Variants in ATXN3 observed in about 807,000 individuals in gnomAD.
ATXN3 encodes ataxin 3.
A neutral mutation model predicts 58.2 loss-of-function variants in ATXN3; 28 were observed. The observed-to-expected ratio is 0.48, with a 90% CI of 0.36 to 0.66. The LOEUF (loss-of-function observed/expected upper bound fraction) is 0.66. Among genes scored for constraint, ATXN3 ranks in the 30% least tolerant of loss-of-function variants. ATXN3 has a pLI of 0.00. For synonymous variants in ATXN3, 113 were observed against 138.5 expected (o/e 0.82, Z 1.29); for missense variants, 321 against 422.1 (o/e 0.76, Z 2.10).
intron 6 of ATXN3, among the ~76,000 whole-genome samples, chr14:92,084,507 T>C (rs963724361): frequency 2.0e-5 from 3 of 152,098 alleles, no homozygotes; most frequent in Non-Finnish European, 4.4e-5. Context: ...AGCTAGATGC[T>C]ACACACAAAA....
At chr14:92,055,799 A>G (rs566808917), downstream of ATXN3, among the ~76,000 whole-genome samples, 1 of 152,312 alleles carries the variant, frequency 6.6e-6, no homozygotes, top group Non-Finnish European at 1.5e-5. This position sits in a 1 kb window ranked among gnomAD's most constrained non-coding sequence, Gnocchi z 4.5. Flanking sequence ...CGTCTCTACT[A>G]AAAATACAAA....
At chr14:92,051,718 CTTTTTT>C (rs1160650510), upstream of ATXN3, among the ~76,000 whole-genome samples, 5 of 35,706 alleles carry the variant, frequency 1.4e-4, no homozygotes, top group South Asian at 1.8e-3. Flanking sequence ...CTTTTCCTTT[CTTTTTT>C]TTTTTTTTTT....
chr14:92,091,674 A>T (rs2063848249), intron 5 of ATXN3, among the ~76,000 whole-genome samples: 1 of 151,552 alleles, frequency 6.6e-6, no homozygotes, highest in Non-Finnish European at 1.5e-5. Flanking sequence ...ACATATAATA[A>T]ACTGCACATA....
Position 92,071,361 on chromosome 14 carries a change from C to T in ATXN3, c.873-308G>A, listed in dbSNP as rs554236101. On this transcript the variant is annotated intron_variant, in intron 9 of 10. Coordinates refer to ENST00000644486, the MANE Select transcript of ATXN3 (RefSeq NM_004993.6). ...CTGTAATCCCAGCACTTTGGGAGGC[C>T]GAGGCGGGTGGATGGCTTGAGGTCA... is the stretch of plus-strand genomic sequence containing the variant. 229 of 445,690 alleles carry T rather than the reference C, an allele frequency of 5.1e-4. 1 individual carries two copies. Among genetic ancestry groups the T allele is most frequent in the African/African-American group, 3.9e-3 (195 of 49,458 alleles). The allele number at this position is 445,690 out of a possible 1,614,324, so 27.6% of individuals were successfully genotyped here. A position where few individuals can be genotyped will look rare whatever the true frequency, so the allele number is the denominator to read the frequency against.
chr14:92,077,628 A>G (rs10132620), intron 9 of ATXN3: 43,632 of 151,582 alleles, frequency 0.29, 6,667 homozygotes, highest in East Asian at 0.44. Context: ...GATTGCAGGC[A>G]TGAACTACCG....
At chr14:92,088,051 A>G (rs887221652) in intron 6 of ATXN3, among the ~76,000 whole-genome samples, 26 of 152,032 alleles carry the variant, frequency 1.7e-4, no homozygotes, top group East Asian at 5.8e-4. Flanking sequence ...ATCTAGGGGC[A>G]TGTATTTCTT....
upstream of ATXN3, among the ~76,000 whole-genome samples, chr14:92,051,929 G>T (rs1429922943): frequency 6.6e-6 from 1 of 150,516 alleles, no homozygotes; most frequent in Non-Finnish European, 1.5e-5. Flanking sequence ...GGTTTCACAT[G>T]TTGGTCAGGC....
intron 10 of ATXN3, among the ~76,000 whole-genome samples, chr14:92,066,601 G>GTTTTTT (rs66941473): frequency 9.3e-6 from 1 of 107,022 alleles, no homozygotes; most frequent in Non-Finnish European, 1.8e-5. Context: ...TTTTTTTCTT[G>GTTTTTT]TTTTTTTTTT....
intron 5 of ATXN3, among the ~76,000 whole-genome samples, chr14:92,089,336 T>C (rs2063281830): frequency 1.4e-5 from 1 of 70,336 alleles, no homozygotes; most frequent in Non-Finnish European, 2.8e-5. Flanking sequence ...AATACTCTTT[T>C]TTTTTTTTTT....
At chr14:92,068,011 C>T (rs2058751643) in intron 10 of ATXN3, among the ~76,000 whole-genome samples, 1 of 152,136 alleles carries the variant, frequency 6.6e-6, no homozygotes, top group Non-Finnish European at 1.5e-5. Context: ...CCTCCACGGA[C>T]ATTGTGGAGG....
intron 10 of ATXN3, among the ~76,000 whole-genome samples, chr14:92,068,391 G>T (rs546091180): frequency 6.6e-6 from 1 of 152,228 alleles, no homozygotes; most frequent in Non-Finnish European, 1.5e-5. Flanking sequence ...TTTTTATCTT[G>T]CTAGGTTGCC....
chr14:92,064,207 G>A lies in ATXN3; in HGVS notation c.*113C>T, dbSNP rs10151135. On this transcript the variant is annotated 3_prime_UTR_variant, in exon 11 of 11. Transcript: ENST00000644486. Reference sequence around the variant, plus strand: ...TTTCCCATCATTTTGTTTGCAAACCGCTAAAAGTCTTATTTCCTCATCTCT... The same window carrying A: ...TTTCCCATCATTTTGTTTGCAAACCACTAAAAGTCTTATTTCCTCATCTCT... 7.3e-5 allele frequency: 48 copies of A among 656,086 alleles called. No individual in the cohort carries two copies. Among genetic ancestry groups the A allele is most frequent in the Non-Finnish European group, 1.0e-4 (41 of 402,358 alleles). The allele number at this position is 656,086 out of a possible 1,614,324, so 40.6% of individuals were successfully genotyped here.
rs532926609 is a variant in ATXN3, at chr14:92,081,718, T to C, written c.775+582A>G. On this transcript the variant is annotated intron_variant, in intron 8 of 10. Transcript: ENST00000644486. Reference sequence around the variant, plus strand: ...AATTTCATTAGAAAGTAGAAGCAAATACATATGAGTTAGAAAAAAATAAAA... The same window carrying C: ...AATTTCATTAGAAAGTAGAAGCAAACACATATGAGTTAGAAAAAAATAAAA... 2.0e-5 allele frequency among the ~76,000 whole-genome samples: 3 copies of C among 152,142 alleles called. No individual in the cohort carries two copies. The South Asian group carries it at 6.2e-4, about 31-fold the overall frequency.
chr14:92,085,658 A>G (rs1483075730), intron 6 of ATXN3, among the ~76,000 whole-genome samples: 1 of 152,190 alleles, frequency 6.6e-6, no homozygotes, highest in African/African-American at 2.4e-5. Flanking sequence ...GGAAAACCTG[A>G]TGGATAGCAT....
chr14:92,080,027 C>T (rs919817552), intron 9 of ATXN3, among the ~76,000 whole-genome samples: 1 of 151,756 alleles, frequency 6.6e-6, no homozygotes, highest in Admixed American at 6.6e-5. Context: ...CGTAAGCCAC[C>T]GTGCCCAGCC....
chr14:92,091,907 C>A (rs1024642570), intron 5 of ATXN3, among the ~76,000 whole-genome samples: 22 of 151,414 alleles, frequency 1.5e-4, no homozygotes, highest in African/African-American at 4.9e-4. Context: ...ATTGCCCAGG[C>A]TGGTCCTGAA....
rs1017662508 is a variant in ATXN3, at chr14:92,059,019, A to G, written c.*5301T>C. ...TGCAAGAGACAATTGAGAGCTTCCT[A>G]AATGCATCAGGAATATCCATTTATA... On this transcript the variant is annotated 3_prime_UTR_variant, in exon 11 of 11. Coordinates refer to ENST00000644486, the MANE Select transcript of ATXN3 (RefSeq NM_004993.6). The G allele has an allele frequency of 6.6e-6, 1 of 151,960 alleles. No individual in the cohort carries two copies. Among genetic ancestry groups the G allele is most frequent in the African/African-American group, 2.4e-5 (1 of 41,400 alleles). 9.4% of individuals were successfully genotyped at this position (151,960 alleles called of 1,614,324 possible).
chr14:92,064,112 T>C lies in ATXN3; in HGVS notation c.*208A>G, dbSNP rs762685504. ...AGAAAACTATTTTAAATGTCTTTAA[T>C]TGCTGAATGCCTCTTTGGCTAATAT... On this transcript the variant is annotated 3_prime_UTR_variant, in exon 11 of 11. Coordinates refer to ENST00000644486, the MANE Select transcript of ATXN3 (RefSeq NM_004993.6). The C allele has an allele frequency of 2.7e-6, 1 of 375,440 alleles. No homozygotes were observed. Among genetic ancestry groups the C allele is most frequent in the East Asian group, 4.3e-5 (1 of 23,290 alleles). The allele number at this position is 375,440 out of a possible 1,614,324, so 23.3% of individuals were successfully genotyped here.
At chr14:92,077,462 TCAGCCTC>T (rs1439829625) in intron 9 of ATXN3, 1 of 151,854 alleles carries the variant, frequency 6.6e-6, no homozygotes, top group East Asian at 1.9e-4. Context: ...TTCTCCTGCC[TCAGCCTC>T]CAGAGTAGCT....
Sources: gnomAD v4.1 joint callset for allele counts (sites outside exome capture counted in the v4.1 genomes callset) on GRCh38, gnomAD v4.1.1 for gene constraint, Gnocchi (gnomAD v3.1) non-coding constraint, MANE v1.5 for transcripts, NCBI Gene and HGNC (gene_info 2026-07-23, HGNC 2026-07-21) for gene names.